Variants in SGCD observed in about 807,000 individuals in gnomAD.
SGCD encodes the protein sarcoglycan delta.
Under a neutral mutation model 36.6 loss-of-function variants are expected in SGCD, and 18 were observed. That is an observed-to-expected ratio of 0.49 (90% confidence interval 0.34 to 0.73). SGCD has a LOEUF of 0.73. Among genes scored for constraint, SGCD ranks in the 30% least tolerant of loss-of-function variants. The pLI, the probability that SGCD is intolerant of heterozygous loss-of-function variation, is 0.01. For synonymous variants in SGCD, 133 were observed against 130.6 expected (o/e 1.02, Z -0.12); for missense variants, 387 against 346.7 (o/e 1.12, Z -0.92).
chr5:156,381,021 C>T (rs2127747693), intron 3 of SGCD, among the ~76,000 whole-genome samples: 1 of 152,308 alleles, frequency 6.6e-6, no homozygotes. Flanking sequence ...CAAGAAGTCT[C>T]TCTCATTCCT....
intron 3 of SGCD, among the ~76,000 whole-genome samples, chr5:156,351,382 G>A (rs146182258): frequency 6.6e-6 from 1 of 152,156 alleles, no homozygotes; most frequent in East Asian, 1.9e-4. Flanking sequence ...GTAGTTCAGG[G>A]CTCAAACTCT....
chr5:156,124,012 C>A (rs1029678723), exon 3 of SGCD: 1 of 152,140 alleles, frequency 6.6e-6, no homozygotes, highest in African/African-American at 2.4e-5. Flanking sequence ...AAGTTTAGGA[C>A]TGCTAAGGTA....
chr5:155,995,871 C>G (rs1897537), intron 1 of SGCD, among the ~76,000 whole-genome samples: 77 of 150,248 alleles, frequency 5.1e-4, no homozygotes, highest in Admixed American at 5.3e-4. Context: ...AGGAAATTTT[C>G]TGGGGATAAT....
In SGCD at chr5:156,332,082, C is replaced by T. The variant is rs142054638; in HGVS notation, c.3+2503C>T. 1.2e-3 allele frequency among the ~76,000 whole-genome samples: 179 copies of T among 152,270 alleles called. 1 individual carries two copies. Among genetic ancestry groups the T allele is most frequent in the African/African-American group, 4.2e-3 (174 of 41,554 alleles). ...AGGGGTCAGGAATATTGGTAATAGG[C>T]CAGTGTCTGGACAGCATAATTTTTA... On this transcript the variant is annotated intron_variant, in intron 2 of 8. Coordinates refer to ENST00000337851, the MANE Select transcript of SGCD (RefSeq NM_000337.6).
intron 1 of SGCD, among the ~76,000 whole-genome samples, chr5:156,084,050 T>C (rs1761034100): frequency 6.6e-6 from 1 of 152,212 alleles, no homozygotes; most frequent in East Asian, 1.9e-4. Context: ...CCTCCATTTT[T>C]CTTTGTAAAG....
At chr5:156,395,935 T>C (rs1187176858) in intron 3 of SGCD, among the ~76,000 whole-genome samples, 2 of 152,240 alleles carry the variant, frequency 1.3e-5, no homozygotes, top group Non-Finnish European at 2.9e-5. Context: ...ATGACTGTAG[T>C]TGGTCTACCA....
At chr5:156,118,618 A>G (rs1761960335) in intron 2 of SGCD, among the ~76,000 whole-genome samples, 1 of 152,204 alleles carries the variant, frequency 6.6e-6, no homozygotes. Flanking sequence ...AGAAGGCTAT[A>G]AATCAGCAAT....
intron 3 of SGCD, among the ~76,000 whole-genome samples, chr5:156,402,133 C>T (rs993246978): frequency 5.3e-5 from 8 of 152,178 alleles, no homozygotes; most frequent in East Asian, 3.8e-4. Flanking sequence ...TTCCATTGTA[C>T]GTAGACACAA....
chr5:156,609,854 G>A (rs1406041166), intron 6 of SGCD, among the ~76,000 whole-genome samples: 1 of 152,138 alleles, frequency 6.6e-6, no homozygotes, highest in Non-Finnish European at 1.5e-5. Flanking sequence ...TGAGGCTTGT[G>A]CATTCATCAC....
At chr5:156,423,275 T>TTATATTATATTTTATTATAA (rs1773457092) in intron 3 of SGCD, among the ~76,000 whole-genome samples, 2 of 5,924 alleles carry the variant, frequency 3.4e-4, no homozygotes. Context: ...TAATATAACA[T>TTATATTATATTTTATTATAA]TATATTATAT....
At chr5:156,655,751 C>T (rs543069472) in intron 7 of SGCD, among the ~76,000 whole-genome samples, 8 of 152,088 alleles carry the variant, frequency 5.3e-5, no homozygotes, top group South Asian at 2.1e-4. Context: ...GAATTGAAAT[C>T]GTATTTTAAT....
intron 3 of SGCD, among the ~76,000 whole-genome samples, chr5:156,462,309 A>G (rs746456563): frequency 1.3e-5 from 2 of 152,196 alleles, no homozygotes; most frequent in Non-Finnish European, 2.9e-5. Context: ...GACTATGTGC[A>G]TGTATATTTT....
At chr5:155,863,181 C>A in the SGCD span, among the ~76,000 whole-genome samples, 1 of 152,182 alleles carries the variant, frequency 6.6e-6, no homozygotes, top group Non-Finnish European at 1.5e-5. Flanking sequence ...TCTCCCAGGG[C>A]ATGGACGCTC....
At chr5:156,166,853 T>C (rs750874857) in intron 3 of SGCD, among the ~76,000 whole-genome samples, 5 of 152,180 alleles carry the variant, frequency 3.3e-5, no homozygotes, top group Non-Finnish European at 4.4e-5. Flanking sequence ...TTCCTTGCCA[T>C]GTGTCCATGT....
chr5:156,717,969 T>A (rs973205194), intron 7 of SGCD, among the ~76,000 whole-genome samples: 3 of 152,132 alleles, frequency 2.0e-5, no homozygotes, highest in African/African-American at 7.2e-5. Flanking sequence ...GGTTCTTCCA[T>A]CCTGACAGTA....
chr5:155,841,010 C>CAAAAAAAA, the SGCD span, among the ~76,000 whole-genome samples: 211 of 61,060 alleles, frequency 3.5e-3, 10 homozygotes, highest in African/African-American at 0.015. Context: ...GACTCCATCT[C>CAAAAAAAA]AAAAAAAAAA....
chr5:156,572,639 C>A (rs1759769190), intron 4 of SGCD, among the ~76,000 whole-genome samples: 1 of 152,066 alleles, frequency 6.6e-6, no homozygotes, highest in African/African-American at 2.4e-5. Flanking sequence ...GAATGAAGCA[C>A]CCATAAGCCA....
chr5:156,221,246 G>C (rs1764709896), intron 3 of SGCD, among the ~76,000 whole-genome samples: 1 of 152,088 alleles, frequency 6.6e-6, no homozygotes, highest in Non-Finnish European at 1.5e-5. Flanking sequence ...GGGCTTTCTT[G>C]TTATAACTTG....
chr5:156,067,848 C>G (rs1177466064), intron 1 of SGCD, among the ~76,000 whole-genome samples: 48 of 140,802 alleles, frequency 3.4e-4, no homozygotes, highest in East Asian at 2.0e-4. Context: ...TCTGGCACTC[C>G]CTAGAGAGAT....
Sources: allele counts gnomAD v4.1 joint callset (sites outside exome capture counted in the v4.1 genomes callset), GRCh38; gene constraint gnomAD v4.1.1; transcripts MANE v1.5; gene names NCBI Gene and HGNC (gene_info 2026-07-23, HGNC 2026-07-21).